VPS33A: variants seen among roughly 807,000 people sequenced by gnomAD.
VPS33A encodes VPS33A core subunit of CORVET and HOPS complexes.
Under a neutral mutation model 71.8 loss-of-function variants are expected in VPS33A, and 32 were observed. That is an observed-to-expected ratio of 0.45 (90% confidence interval 0.34 to 0.60). The LOEUF (loss-of-function observed/expected upper bound fraction) is 0.60, where lower values mean the gene tolerates loss of function less well. Ranked by LOEUF, VPS33A falls within the 20% of genes least tolerant of loss-of-function variation. The pLI is 0.02. For missense variants in VPS33A, 625 were observed against 748.5 expected (o/e 0.84, Z 1.92); for synonymous variants, 311 against 292.7 (o/e 1.06, Z -0.64).
chr12:122,233,095 T>A (rs1306083472), intron 11 of VPS33A, 127 bp from the exon 12 acceptor site: 1 of 1,061,252 alleles, frequency 9.4e-7, no homozygotes, highest in African/African-American at 1.6e-5. Context: ...ACCCCTGCCA[T>A]GCCTTGTTCT....
In VPS33A at chr12:122,261,395, G is replaced by A. The variant is rs779743738; in HGVS notation, c.349C>T (p.Arg117Cys). 4.3e-6 allele frequency: 7 copies of A among 1,613,672 alleles called. No individual in the cohort carries two copies. Among genetic ancestry groups the A allele is most frequent in the East Asian group, 4.5e-5 (2 of 44,876 alleles). The change falls in exon 4 of 13, where the codon CGT (arginine) becomes TGT (cysteine). Residue 117 changes from arginine (R) to cysteine (C), a missense_variant. Arg to Cys is a radical substitution (Grantham distance 180, BLOSUM62 -3). Transcript: ENST00000267199. ...RDFHILFVPR[R>C]SLLCEQRLKD... is the part of the protein sequence containing the mutation. ...AACCGCTGTTCGCACAACAGGCTACGGCGTGGCACAAACAGAATATGAAAA... is the reference window on the plus strand; with the variant it reads ...AACCGCTGTTCGCACAACAGGCTACAGCGTGGCACAAACAGAATATGAAAA...
At chr12:122,244,411 C>A (rs1954751192) in intron 7 of VPS33A, among the ~76,000 whole-genome samples, 158 bp downstream of exon 7, 1 of 152,166 alleles carries the variant, frequency 6.6e-6, no homozygotes, top group African/African-American at 2.4e-5. Flanking sequence ...ATGAAAACCT[C>A]GGATCTTCCA....
rs11057249 is a variant in VPS33A at position 122,239,744 on chromosome 12, C to T, written c.1164+134G>A. On this transcript the variant is annotated intron_variant, in intron 9 of 12. Transcript: ENST00000267199. ...AGCTGGGTGACACACAGTGAGACTC[C>T]GTCTCAAAAAAAAAAAAAAAAAAAA... 0.17 allele frequency: 72,319 copies of T among 421,830 alleles called. 8,880 individuals are homozygous for T. The highest frequency in any genetic ancestry group is 0.22 in the Admixed American group (4,148 of 18,850). 26.1% of individuals were successfully genotyped at this position (421,830 alleles called of 1,614,324 possible).
rs373030275 is a variant in VPS33A, at chr12:122,244,802, G to C, written c.776-40C>G. The C allele has an allele frequency of 5.3e-4, 839 of 1,570,448 alleles. 3 individuals carry two copies. The highest frequency in any genetic ancestry group is 1.4e-3 in the South Asian group (125 of 88,366). ...AAGGGAATAAGCACCTGTGTGCAAT[G>C]ACTGGAAGAACCAATCCGGTAACCA... On this transcript the variant is annotated intron_variant, in intron 6 of 12. Coordinates refer to ENST00000267199, the MANE Select transcript of VPS33A (RefSeq NM_022916.6).
At chr12:122,247,010 C>A (rs1339172484) in intron 6 of VPS33A, among the ~76,000 whole-genome samples, 5 of 152,140 alleles carry the variant, frequency 3.3e-5, no homozygotes, top group African/African-American at 1.2e-4. Context: ...AACCTGATTC[C>A]ATTTTTTGTT....
At chr12:122,243,368 G>A (rs1002953641) in intron 7 of VPS33A, among the ~76,000 whole-genome samples, 2 of 152,016 alleles carry the variant, frequency 1.3e-5, no homozygotes. Context: ...CCAAGGAGCT[G>A]GGATTACAGG....
chr12:122,255,707 C>CAAAAA lies in VPS33A; in HGVS notation c.484-4613_484-4609dup, dbSNP rs71082953. 2.5e-3 allele frequency among the ~76,000 whole-genome samples: 89 copies of CAAAAA among 35,444 alleles called. 3 individuals carry two copies. Among genetic ancestry groups the CAAAAA allele is most frequent in the African/African-American group, 4.7e-3 (36 of 7,594 alleles). 23.3% of individuals were successfully genotyped at this position (35,444 alleles called of 152,430 possible). A position where few individuals can be genotyped will look rare whatever the true frequency, so the allele number is the denominator to read the frequency against. ...GGGGAACAAGAGTGAGACTCCGTCTCAAAAAAAAAAAAAAAAAAAAAAAAA... is the reference window on the plus strand; with the variant it reads ...GGGGAACAAGAGTGAGACTCCGTCTCAAAAAAAAAAAAAAAAAAAAAAAAAAAAAA... On this transcript the variant is annotated intron_variant, in intron 4 of 12. Transcript: ENST00000267199.
At position 122,236,012 on chromosome 12, in the gene VPS33A, G is replaced by C; in HGVS notation, c.1303-89C>G. The C allele has an allele frequency of 2.7e-6, 4 of 1,499,358 alleles. No individual in the cohort carries two copies. The South Asian group carries it at 3.9e-5, about 15-fold the overall frequency. The allele number at this position is 1,499,358 out of a possible 1,614,324, so 92.9% of individuals were successfully genotyped here. A position where few individuals can be genotyped will look rare whatever the true frequency, so the allele number is the denominator to read the frequency against. On this transcript the variant is annotated intron_variant, in intron 10 of 12. Transcript: ENST00000267199. ...AAGGGCACTTCCAACAAATCAATTT[G>C]GTTTGTACTGCAGGACATGTTACCA...
intron 4 of VPS33A, among the ~76,000 whole-genome samples, chr12:122,251,865 T>C (rs1396626249): frequency 2.0e-5 from 3 of 150,620 alleles, no homozygotes; most frequent in African/African-American, 7.4e-5. Context: ...ATGGCACATG[T>C]ATACATATGT....
rs1246278267 is a variant in VPS33A, at chr12:122,238,806, C to CACACACACACACAA, written c.1165-83_1165-82insTTGTGTGTGTGTGT. The stretch of plus-strand genomic sequence containing the variant: ...ACACACACACACACACACACACACA[C>CACACACACACACAA]AATACATGGTTTAGGAACTTAACTT... On this transcript the variant is annotated intron_variant, in intron 9 of 12. Coordinates refer to ENST00000267199, the MANE Select transcript of VPS33A (RefSeq NM_022916.6). The CACACACACACACAA allele has an allele frequency of 3.0e-5, 32 of 1,084,640 alleles. No individual in the cohort carries two copies. In the African/African-American group the frequency reaches 4.8e-4, roughly 16 times the overall value. The allele number at this position is 1,084,640 out of a possible 1,614,324, so 67.2% of individuals were successfully genotyped here.
chr12:122,261,033 T>C (rs1179979677), intron 4 of VPS33A, among the ~76,000 whole-genome samples: 1 of 152,216 alleles, frequency 6.6e-6, no homozygotes, highest in Non-Finnish European at 1.5e-5. Flanking sequence ...ACTGGGAAGA[T>C]ACTTGCAGCT....
intron 8 of VPS33A, among the ~76,000 whole-genome samples, chr12:122,240,760 A>G (rs1236900113): frequency 6.6e-6 from 1 of 152,244 alleles, no homozygotes; most frequent in East Asian, 1.9e-4. Context: ...GCTCTTTCAA[A>G]ATACTCAACA....
At chr12:122,251,430 G>A (rs75581481) in intron 4 of VPS33A, among the ~76,000 whole-genome samples, 3 of 152,254 alleles carry the variant, frequency 2.0e-5, no homozygotes, top group Non-Finnish European at 4.4e-5. Context: ...TACACTGAAC[G>A]ATGGGTTCCC....
At chr12:122,245,311 CAT>C (rs1201670670) in intron 6 of VPS33A, among the ~76,000 whole-genome samples, 12 of 152,026 alleles carry the variant, frequency 7.9e-5, no homozygotes, top group Middle Eastern at 3.4e-3. Flanking sequence ...CACATGCATA[CAT>C]GTGTGTATAT....
chr12:122,252,798 C>A (rs1042423770), intron 4 of VPS33A: 1 of 152,184 alleles, frequency 6.6e-6, no homozygotes, highest in Non-Finnish European at 1.5e-5. Context: ...CCACATAGGG[C>A]AAGTATTAAA....
At chr12:122,239,650 C>G (rs1296790116) in intron 9 of VPS33A, among the ~76,000 whole-genome samples, 2 of 146,878 alleles carry the variant, frequency 1.4e-5, no homozygotes, top group Non-Finnish European at 3.0e-5. Context: ...AGAATGGCGT[C>G]AACCCGGGAG....
At position 122,261,279 on chromosome 12, in the gene VPS33A, T is replaced by C; in HGVS notation, c.465A>G (p.Glu155=). The part of the protein sequence containing the change: ...IPFDGDLLSM[E]SEGAFKECYL... ...AACTTACTTTGAATGCACCCTCTGA[T>C]TCCATGGATAAGAGATCCCCATCGA... Residue 155 remains glutamate, a synonymous_variant, in exon 4 of 13, where the codon GAA becomes GAG. Transcript: ENST00000267199. 1 of 1,604,662 alleles carries C rather than the reference T, an allele frequency of 6.2e-7. No homozygotes were observed. The highest frequency in any genetic ancestry group is 8.5e-7 in the Non-Finnish European group (1 of 1,177,386).
intron 7 of VPS33A, among the ~76,000 whole-genome samples, chr12:122,243,958 T>C (rs1466067281): frequency 6.6e-6 from 1 of 152,180 alleles, no homozygotes; most frequent in African/African-American, 2.4e-5. Context: ...AAAATTCATT[T>C]TCAAAAACTT....
chr12:122,233,231 T>G (rs1054272259), intron 11 of VPS33A, among the ~76,000 whole-genome samples: 1 of 150,998 alleles, frequency 6.6e-6, no homozygotes, highest in African/African-American at 2.4e-5. Context: ...CATGAAACTT[T>G]TTTTTTTTTT....
Sources: allele counts gnomAD v4.1 joint callset (sites outside exome capture counted in the v4.1 genomes callset), GRCh38; gene constraint gnomAD v4.1.1; transcripts MANE v1.5; gene names NCBI Gene and HGNC (gene_info 2026-07-23, HGNC 2026-07-21).